The following FRAS1 variants were observed in gnomAD, a reference collection of about 807,000 sequenced individuals.
The protein encoded by FRAS1 is Fraser extracellular matrix complex subunit 1.
In FRAS1, 290 loss-of-function variants were observed where a neutral mutation model predicts 435.2. That is an observed-to-expected ratio of 0.67 (90% CI 0.61 to 0.73). The LOEUF is 0.73. Ranked by LOEUF, FRAS1 falls within the 30% of genes least tolerant of loss-of-function variation. The pLI is 0.00. For synonymous variants in FRAS1, 1,800 were observed against 1,851.0 expected (o/e 0.97, Z 0.71); for missense variants, 4,860 against 5,001.5 (o/e 0.97, Z 0.85).
intron 35 of FRAS1, among the ~76,000 whole-genome samples, chr4:78,426,285 C>T (rs143973771): frequency 6.6e-6 from 1 of 152,138 alleles, no homozygotes; most frequent in Non-Finnish European, 1.5e-5. Flanking sequence ...TACCTGAAAG[C>T]TTGAGTAGGT....
intron 2 of FRAS1, among the ~76,000 whole-genome samples, chr4:78,222,807 A>G (rs1033537966): frequency 1.3e-5 from 2 of 152,160 alleles, no homozygotes; most frequent in South Asian, 2.1e-4. Flanking sequence ...CTTCCGCTGC[A>G]TTTTGTTTTA....
intron 2 of FRAS1, among the ~76,000 whole-genome samples, chr4:78,161,389 A>C (rs1045709616): frequency 2.0e-5 from 3 of 152,096 alleles, no homozygotes; most frequent in African/African-American, 7.2e-5. Flanking sequence ...GTCACATGCA[A>C]GCTGTGTGGC....
At chr4:78,378,109 A>G (rs964158514) in intron 26 of FRAS1, among the ~76,000 whole-genome samples, 3 of 152,132 alleles carry the variant, frequency 2.0e-5, no homozygotes, top group African/African-American at 7.2e-5. Flanking sequence ...GGAAACCACT[A>G]ATCTCCTTCT....
intron 28 of FRAS1, among the ~76,000 whole-genome samples, chr4:78,385,730 C>T (rs1332809455): frequency 6.6e-6 from 1 of 151,920 alleles, no homozygotes; most frequent in Non-Finnish European, 1.5e-5. Context: ...ACTGAAAATA[C>T]AAAAATTAGC....
At chr4:78,401,038 T>C (rs1732872164) in intron 30 of FRAS1, among the ~76,000 whole-genome samples, 151 bp downstream of exon 30, 1 of 152,222 alleles carries the variant, frequency 6.6e-6, no homozygotes, top group South Asian at 2.1e-4. Context: ...ATAATCATGA[T>C]AGCTATCACA....
At position 78,534,500 on chromosome 4, in the gene FRAS1, G is replaced by C; in HGVS notation, c.10977G>C (p.Val3659=). ...FQQTNRPVPV[V]YSLNTEFQLC... ...AGACCAACCGCCCTGTGCCAGTTGT[G>C]TATTCACTTAACACTGAATTTCAGC... The change falls in exon 71 of 74, where the codon GTG becomes GTC. Residue 3659 remains valine, a synonymous_variant. Coordinates refer to ENST00000512123, the MANE Select transcript of FRAS1 (RefSeq NM_025074.7). 6.2e-7 allele frequency: 1 copy of C among 1,613,664 alleles called. No individual in the cohort carries two copies. Among genetic ancestry groups the C allele is most frequent in the Non-Finnish European group, 8.5e-7 (1 of 1,179,698 alleles).
At chr4:78,086,203 A>T (rs1453622139) in intron 2 of FRAS1, among the ~76,000 whole-genome samples, 1 of 152,244 alleles carries the variant, frequency 6.6e-6, no homozygotes, top group Non-Finnish European at 1.5e-5. Context: ...TGAAGGCAGA[A>T]ATAAAGATGT....
intron 2 of FRAS1, among the ~76,000 whole-genome samples, chr4:78,073,990 T>G (rs190456951): frequency 1.1e-4 from 16 of 152,288 alleles, no homozygotes; most frequent in African/African-American, 3.8e-4. Context: ...ATAAGCTAAA[T>G]GAAAGGAAGA....
chr4:78,481,747 C>A, intron 56 of FRAS1, 57 bp from the exon 57 acceptor site: 1 of 1,595,972 alleles, frequency 6.3e-7, no homozygotes, highest in South Asian at 1.1e-5. Flanking sequence ...TTCTGAAAAC[C>A]TCGCTGATTT....
intron 2 of FRAS1, among the ~76,000 whole-genome samples, chr4:78,105,275 G>T (rs560423713): frequency 2.2e-4 from 33 of 152,210 alleles, no homozygotes; most frequent in African/African-American, 7.5e-4. Flanking sequence ...ATTTCTATAT[G>T]GTTATATATT....
chr4:78,224,954 G>C (rs565825130), intron 2 of FRAS1, among the ~76,000 whole-genome samples: 1 of 152,104 alleles, frequency 6.6e-6, no homozygotes, highest in East Asian at 1.9e-4. Context: ...ACTTGTTTGC[G>C]CATTAGTAGT....
chr4:78,378,773 G>A (rs1731886974), intron 26 of FRAS1, among the ~76,000 whole-genome samples: 1 of 152,040 alleles, frequency 6.6e-6, no homozygotes, highest in Non-Finnish European at 1.5e-5. Flanking sequence ...CTTGACACAA[G>A]TCCCTTTGTA....
intron 2 of FRAS1, among the ~76,000 whole-genome samples, chr4:78,171,801 C>T (rs948442589): frequency 1.6e-4 from 24 of 152,114 alleles, no homozygotes; most frequent in African/African-American, 5.8e-4. Context: ...GCCTTCTTTC[C>T]TCCCTCCTCA....
intron 61 of FRAS1, among the ~76,000 whole-genome samples, chr4:78,504,184 T>A (rs916333679): frequency 6.6e-6 from 1 of 152,210 alleles, no homozygotes; most frequent in Non-Finnish European, 1.5e-5. Flanking sequence ...GAGAAGAATG[T>A]ATATTCTGTT....
Position 78,317,508 on chromosome 4 carries a change from G to A in FRAS1, c.1960G>A (p.Ala654Thr), listed in dbSNP as rs199646175. Residue 654 changes from alanine to threonine, a missense_variant and splice_region_variant, in exon 17 of 74, where the codon GCC becomes ACC. Coordinates refer to ENST00000512123, the MANE Select transcript of FRAS1 (RefSeq NM_025074.7). ...GFYSDHGVCK[A>T]CHSSCLACMG... ...CTACTCTGACCATGGAGTCTGCAAA[G>A]GTATCGTTGGTGTCACCATCATTCT... 3 of 1,610,154 alleles carry A rather than the reference G, an allele frequency of 1.9e-6. No homozygotes were observed. The African/African-American group carries it at 4.0e-5, about 22-fold the overall frequency.
At chr4:78,304,593 G>A (rs1264278919) in intron 14 of FRAS1, among the ~76,000 whole-genome samples, 3 of 151,778 alleles carry the variant, frequency 2.0e-5, no homozygotes, top group Non-Finnish European at 4.4e-5. Context: ...TTTAGTCTTG[G>A]GAGAGTGTAT....
chr4:78,529,453 C>G (rs975676940), intron 70 of FRAS1, among the ~76,000 whole-genome samples: 9 of 152,060 alleles, frequency 5.9e-5, no homozygotes, highest in Non-Finnish European at 1.2e-4. Context: ...ACCCTCAGTG[C>G]CCCTCTCCAA....
chr4:78,119,216 C>T (rs1376715410), intron 2 of FRAS1, among the ~76,000 whole-genome samples: 4 of 152,058 alleles, frequency 2.6e-5, no homozygotes, highest in African/African-American at 9.7e-5. Context: ...ATTCTTCTAG[C>T]TATTTGAATT....
intron 52 of FRAS1, among the ~76,000 whole-genome samples, chr4:78,473,154 G>A (rs979224407): frequency 1.3e-5 from 2 of 152,076 alleles, no homozygotes; most frequent in South Asian, 2.1e-4. Flanking sequence ...ATTTATTGAA[G>A]TGCTTTTTGT....
Sources: gnomAD v4.1 joint callset for allele counts (sites outside exome capture counted in the v4.1 genomes callset) on GRCh38, gnomAD v4.1.1 for gene constraint, MANE v1.5 for transcripts, NCBI Gene and HGNC (gene_info 2026-07-23, HGNC 2026-07-21) for gene names.